The following STXBP5 variants were observed in gnomAD, a reference collection of about 807,000 sequenced individuals.
STXBP5 encodes the protein syntaxin-binding protein 5.
In STXBP5, 50 loss-of-function variants were observed where a neutral mutation model predicts 152.4. The ratio of observed to expected loss-of-function variants is 0.33; its 90% CI spans 0.26 to 0.42. The LOEUF is 0.42. STXBP5 is among the 10% of genes least tolerant of loss of function. The pLI is 1.00. For synonymous variants in STXBP5, 492 were observed against 494.7 expected (o/e 0.99, Z 0.07); for missense variants, 1,167 against 1,388.6 (o/e 0.84, Z 2.54).
chr6:147,346,955 C>T (rs565506536), intron 21 of STXBP5, among the ~76,000 whole-genome samples: 2 of 152,112 alleles, frequency 1.3e-5, no homozygotes, highest in Non-Finnish European at 2.9e-5. Context: ...CAGCTTTCTG[C>T]GACAGAGCAC....
At chr6:147,283,405 A>T (rs1780791426) in intron 8 of STXBP5, among the ~76,000 whole-genome samples, 2 of 152,190 alleles carry the variant, frequency 1.3e-5, no homozygotes, top group Admixed American at 1.3e-4. Flanking sequence ...ACCTTTCCCC[A>T]GTTTATGTAT....
intron 22 of STXBP5, 75 bp downstream of exon 22, chr6:147,353,448 A>G (rs1245402721): frequency 1.0e-6 from 1 of 977,998 alleles, no homozygotes; most frequent in Non-Finnish European, 1.5e-6. Context: ...ATTTATAGTT[A>G]CTGTAAGATA....
At chr6:147,381,178 CA>C (rs1786068352) in intron 26 of STXBP5, among the ~76,000 whole-genome samples, 2 of 152,052 alleles carry the variant, frequency 1.3e-5, no homozygotes, top group Non-Finnish European at 2.9e-5. Context: ...ATGGGAGCTA[CA>C]ATTCAAGATG....
intron 6 of STXBP5, among the ~76,000 whole-genome samples, chr6:147,264,058 G>A (rs1779768987): frequency 6.6e-6 from 1 of 151,138 alleles, no homozygotes; most frequent in Non-Finnish European, 1.5e-5. Flanking sequence ...CATAAATAAT[G>A]AGGATGGAGT....
chr6:147,275,631 C>T (rs1780405022), intron 7 of STXBP5, among the ~76,000 whole-genome samples: 1 of 137,766 alleles, frequency 7.3e-6, no homozygotes, highest in Non-Finnish European at 1.5e-5. Context: ...AGTCTCAGCT[C>T]ACTGCAAGCT....
intron 2 of STXBP5, among the ~76,000 whole-genome samples, chr6:147,211,934 A>G (rs564905470): frequency 1.6e-4 from 25 of 152,136 alleles, no homozygotes; most frequent in East Asian, 3.9e-4. Context: ...TTTTTTGTTC[A>G]TGGAAGAGTT....
chr6:147,335,580 C>T (rs1177704897), intron 19 of STXBP5, among the ~76,000 whole-genome samples: 4 of 152,098 alleles, frequency 2.6e-5, no homozygotes, highest in African/African-American at 9.7e-5. Context: ...GTGGATACAT[C>T]TAGCCCTTTG....
chr6:147,250,569 TG>T (rs2115276367), intron 4 of STXBP5, among the ~76,000 whole-genome samples: 1 of 152,258 alleles, frequency 6.6e-6, no homozygotes, highest in South Asian at 2.1e-4. Flanking sequence ...TTGGTATTCA[TG>T]GGGCTCCTGG....
intron 6 of STXBP5, among the ~76,000 whole-genome samples, chr6:147,264,347 C>G (rs1271690787): frequency 2.6e-5 from 4 of 152,076 alleles, no homozygotes; most frequent in Non-Finnish European, 5.9e-5. Flanking sequence ...TTCTATGTTT[C>G]AAGCACTGTG....
intron 4 of STXBP5, among the ~76,000 whole-genome samples, chr6:147,257,277 A>G (rs996390651): frequency 7.3e-5 from 11 of 151,338 alleles, no homozygotes; most frequent in Non-Finnish European, 1.0e-4. Flanking sequence ...CATTGTTTCA[A>G]TCATTTTCTT....
chr6:147,339,900 C>T (rs1784014959), intron 21 of STXBP5, among the ~76,000 whole-genome samples: 1 of 151,870 alleles, frequency 6.6e-6, no homozygotes, highest in Non-Finnish European at 1.5e-5. Flanking sequence ...AAATGCATTG[C>T]TTCTTGTGAT....
chr6:147,350,428 A>G (rs1175657011), intron 21 of STXBP5, among the ~76,000 whole-genome samples: 1 of 152,154 alleles, frequency 6.6e-6, no homozygotes, highest in Non-Finnish European at 1.5e-5. Context: ...AAGCATAAAT[A>G]TGTTAAATAA....
intron 25 of STXBP5, among the ~76,000 whole-genome samples, chr6:147,365,325 A>T (rs1785245084): frequency 6.6e-6 from 1 of 152,218 alleles, no homozygotes; most frequent in African/African-American, 2.4e-5. Flanking sequence ...TGTCGGAAGG[A>T]TAAACCTTAA....
intron 18 of STXBP5, 94 bp from the exon 19 acceptor site, chr6:147,334,063 A>C: frequency 8.2e-7 from 1 of 1,225,076 alleles, no homozygotes; most frequent in Non-Finnish European, 1.1e-6. Context: ...GGTTCTTTTA[A>C]ATGGACAGTA....
intron 22 of STXBP5, among the ~76,000 whole-genome samples, chr6:147,356,305 A>G (rs536348649): frequency 3.9e-5 from 6 of 152,106 alleles, no homozygotes; most frequent in African/African-American, 1.4e-4. Flanking sequence ...CTTTTTTCAT[A>G]TCATTGTTTT....
At chr6:147,380,905 G>A (rs1460076564) in intron 26 of STXBP5, among the ~76,000 whole-genome samples, 1 of 152,056 alleles carries the variant, frequency 6.6e-6, no homozygotes, top group East Asian at 1.9e-4. Flanking sequence ...CCCAAGACTG[G>A]GTAATTTATA....
At chr6:147,326,978 C>G in intron 17 of STXBP5, 147 bp from the exon 18 acceptor site, 1 of 633,130 alleles carries the variant, frequency 1.6e-6, no homozygotes, top group East Asian at 2.9e-5. Flanking sequence ...CATATGTAAC[C>G]TGTATTTCAG....
At chr6:147,335,291 A>G (rs772198166) in intron 19 of STXBP5, among the ~76,000 whole-genome samples, 1 of 152,142 alleles carries the variant, frequency 6.6e-6, no homozygotes, top group African/African-American at 2.4e-5. Context: ...GTCTCCTAGG[A>G]CTGTTTATTT....
chr6:147,278,843 C>T (rs1415970622), intron 8 of STXBP5, among the ~76,000 whole-genome samples: 1 of 152,152 alleles, frequency 6.6e-6, no homozygotes, highest in Admixed American at 6.5e-5. Flanking sequence ...AGGCTTCATT[C>T]CACTAACAAG....
Sources: allele counts gnomAD v4.1 joint callset (sites outside exome capture counted in the v4.1 genomes callset), GRCh38; gene constraint gnomAD v4.1.1; transcripts MANE v1.5; gene names NCBI Gene and HGNC (gene_info 2026-07-23, HGNC 2026-07-21).